The following SIPA1L1 variants were observed in gnomAD, a reference collection of about 807,000 sequenced individuals.
The protein encoded by SIPA1L1 is signal induced proliferation associated 1 like 1.
SIPA1L1 carries 26 observed loss-of-function variants against 162.7 expected under a neutral mutation model. The observed-to-expected ratio is 0.16, with a 90% CI of 0.12 to 0.22. The LOEUF is 0.22. SIPA1L1 is among the 10% of genes least tolerant of loss of function. The pLI is 1.00. For synonymous variants in SIPA1L1, 829 were observed against 837.4 expected, an observed-to-expected ratio of 0.99 and a Z score of 0.17; for missense variants, 1,874 against 2,241.0, an observed-to-expected ratio of 0.84 and a Z score of 3.31.
intron 10 of SIPA1L1, among the ~76,000 whole-genome samples, chr14:71,662,932 G>T (rs887865795): frequency 6.6e-6 from 1 of 152,194 alleles, no homozygotes; most frequent in Admixed American, 6.5e-5. Context: ...TTCATGCAAA[G>T]GATTTCATAC....
Position 71,417,469 on chromosome 14 carries a change from C to CAAAAAAAA in SIPA1L1, c.-464-95247_-464-95240dup, listed in dbSNP as rs58628136. 2.1e-3 allele frequency among the ~76,000 whole-genome samples: 37 copies of CAAAAAAAA among 17,764 alleles called. 5 individuals carry two copies. Among genetic ancestry groups the CAAAAAAAA allele is most frequent in the African/African-American group, 2.6e-3 (12 of 4,610 alleles). 11.7% of individuals were successfully genotyped at this position (17,764 alleles called of 152,430 possible). ...CCTGGGCGACAGCGAGACTCCGTCT[C>CAAAAAAAA]AAAAAAAAAAAAAAAAAAAAAAAAA... On this transcript the variant is annotated intron_variant, in intron 2 of 23. Transcript: ENST00000381232.
chr14:71,447,128 C>G (rs1441328794), intron 2 of SIPA1L1, among the ~76,000 whole-genome samples: 1 of 151,114 alleles, frequency 6.6e-6, no homozygotes, highest in East Asian at 1.9e-4. Context: ...GTTGCCCAGG[C>G]TGGTCTTGAA....
chr14:71,342,029 G>GGTC (rs1267886333), intron 2 of SIPA1L1, among the ~76,000 whole-genome samples: 2 of 151,732 alleles, frequency 1.3e-5, no homozygotes, highest in African/African-American at 4.8e-5. Flanking sequence ...TTGGAGACAG[G>GGTC]GTCTCACTTT....
intron 2 of SIPA1L1, among the ~76,000 whole-genome samples, chr14:71,479,552 T>C (rs998427879): frequency 2.0e-5 from 3 of 151,944 alleles, no homozygotes; most frequent in Non-Finnish European, 4.4e-5. Flanking sequence ...TGTGCCACGA[T>C]GCGGGGCCAA....
chr14:71,392,537 A>C (rs1249088816), intron 2 of SIPA1L1, among the ~76,000 whole-genome samples: 1 of 151,722 alleles, frequency 6.6e-6, no homozygotes, highest in Non-Finnish European at 1.5e-5. Context: ...TACTATTGAA[A>C]CTTTTTTTTT....
intron 2 of SIPA1L1, among the ~76,000 whole-genome samples, chr14:71,502,038 CAA>C (rs958205271): frequency 1.0e-4 from 9 of 87,204 alleles, no homozygotes; most frequent in Middle Eastern, 7.4e-3. Context: ...ACCCTGTTTC[CAA>C]AAAAAAAAAA....
intron 2 of SIPA1L1, among the ~76,000 whole-genome samples, chr14:71,432,468 C>A (rs946180978): frequency 6.6e-6 from 1 of 152,188 alleles, no homozygotes; most frequent in Admixed American, 6.5e-5. Flanking sequence ...TAACAACCTA[C>A]AATCACACAA....
At chr14:71,463,247 C>T (rs2046744831) in intron 2 of SIPA1L1, among the ~76,000 whole-genome samples, 2 of 152,146 alleles carry the variant, frequency 1.3e-5, no homozygotes, top group Non-Finnish European at 2.9e-5. Context: ...CCATAATAGC[C>T]CTCACCCTAC....
intron 5 of SIPA1L1, among the ~76,000 whole-genome samples, chr14:71,595,020 A>AGCT (rs1343900912): frequency 6.6e-6 from 1 of 152,166 alleles, no homozygotes; most frequent in Non-Finnish European, 1.5e-5. Flanking sequence ...AGCGTGGCTC[A>AGCT]GCTGCAAGCG....
rs746858283 is a variant in SIPA1L1, at chr14:71,730,225, T to A, written c.4785T>A (p.Ser1595Arg). ...CCCTGCCCAACGACGTCCTCTTCAG[T>A]AGCACGTACCCTTCTCTCCCCAAGT... ...DQALPNDVLF[S>R]STYPSLPKSL... Residue 1595 changes from serine (S) to arginine (R), a missense_variant, in exon 20 of 24, where the codon AGT becomes AGA. Around this residue, in one of 5 missense-constraint regions of SIPA1L1, gnomAD observed 936 missense variants for 1,051.9 expected, o/e 0.89. Coordinates refer to ENST00000381232, the MANE Select transcript of SIPA1L1 (RefSeq NM_001386936.1). The A allele has an allele frequency of 1.4e-5, 22 of 1,614,152 alleles. No homozygotes were observed. Among genetic ancestry groups the A allele is most frequent in the Non-Finnish European group, 1.8e-5 (21 of 1,180,010 alleles).
chr14:71,642,343 C>G (rs1206544986), intron 7 of SIPA1L1, among the ~76,000 whole-genome samples: 4 of 152,082 alleles, frequency 2.6e-5, no homozygotes, highest in Admixed American at 6.5e-5. Context: ...GGCTAGAATT[C>G]GCAGAGCACA....
intron 7 of SIPA1L1, among the ~76,000 whole-genome samples, chr14:71,642,507 A>G (rs192750844): frequency 1.3e-5 from 2 of 152,328 alleles, no homozygotes; most frequent in East Asian, 3.9e-4. Flanking sequence ...TTATCCTTAG[A>G]CTAAACACTG....
chr14:71,577,701 T>C (rs1465642806), intron 4 of SIPA1L1, among the ~76,000 whole-genome samples: 1 of 151,008 alleles, frequency 6.6e-6, no homozygotes, highest in African/African-American at 2.4e-5. Flanking sequence ...ATACACAATT[T>C]GCTTAACTTT....
chr14:71,600,098 CA>C (rs1365996565), intron 5 of SIPA1L1, among the ~76,000 whole-genome samples: 1 of 152,132 alleles, frequency 6.6e-6, no homozygotes, highest in Non-Finnish European at 1.5e-5. Flanking sequence ...TTATGCTGTA[CA>C]AAAGCTTTTT....
intron 7 of SIPA1L1, among the ~76,000 whole-genome samples, chr14:71,633,247 A>G (rs4902941): frequency 0.84 from 127,447 of 152,188 alleles, 53,984 homozygotes; most frequent in African/African-American, 0.95. Flanking sequence ...TGCAACCTCC[A>G]CCCTCCGGGT....
intron 2 of SIPA1L1, among the ~76,000 whole-genome samples, chr14:71,428,370 GT>G (rs113100900): frequency 1.0e-4 from 15 of 147,512 alleles, no homozygotes; most frequent in South Asian, 4.3e-4. Flanking sequence ...ATGATTTGCG[GT>G]TTTTTTTTTC....
intron 3 of SIPA1L1, among the ~76,000 whole-genome samples, chr14:71,525,817 C>T (rs1335911479): frequency 6.6e-6 from 1 of 152,148 alleles, no homozygotes; most frequent in Non-Finnish European, 1.5e-5. Context: ...TGTTTCTAAG[C>T]TGTTTGTGTT....
chr14:71,615,464 A>C (rs1406300286), intron 5 of SIPA1L1, among the ~76,000 whole-genome samples: 2 of 152,232 alleles, frequency 1.3e-5, no homozygotes, highest in Non-Finnish European at 2.9e-5. Context: ...AGACTACTAC[A>C]AACACTCAGG....
intron 10 of SIPA1L1, among the ~76,000 whole-genome samples, chr14:71,664,636 C>G (rs1174865672): frequency 6.6e-6 from 1 of 152,160 alleles, no homozygotes. Flanking sequence ...GTTGTGCTAG[C>G]AAATAACTAG....
Sources: allele counts gnomAD v4.1 joint callset (sites outside exome capture counted in the v4.1 genomes callset), GRCh38; gene constraint gnomAD v4.1.1; regional missense constraint gnomAD v4.1.1; transcripts MANE v1.5; gene names NCBI Gene and HGNC (gene_info 2026-07-23, HGNC 2026-07-21).